ARMC9: variants seen among roughly 807,000 people sequenced by gnomAD.
ARMC9 encodes the protein armadillo repeat containing 9.
ARMC9 carries 94 observed loss-of-function variants against 107.0 expected under a neutral mutation model. The ratio of observed to expected loss-of-function variants is 0.88; its 90% CI spans 0.74 to 1.04. ARMC9 has a LOEUF of 1.04. Among genes scored for constraint, ARMC9 ranks in the 50% least tolerant of loss-of-function variants. The pLI is 0.00. For synonymous variants in ARMC9, 380 were observed against 396.9 expected (o/e 0.96, Z 0.51); for missense variants, 942 against 1,030.1 (o/e 0.91, Z 1.17).
At position 231,235,657 on chromosome 2, in the gene ARMC9, T is replaced by C. The variant is rs151255335; in HGVS notation, c.780+276T>C. On this transcript the variant is annotated intron_variant, in intron 8 of 24. Transcript: ENST00000611582. ...CTTTATTCTTTTTTGTTTGTTTGTT[T>C]TTGAGATGGAGTTTTGCTCTTGTTG... Among the ~76,000 whole-genome samples, 371 of 152,352 alleles carry C rather than the reference T, an allele frequency of 2.4e-3. 4 individuals carry two copies. Among genetic ancestry groups the C allele is most frequent in the African/African-American group, 8.4e-3 (349 of 41,576 alleles).
intron 21 of ARMC9, 24 bp downstream of exon 21, chr2:231,345,114 G>C (rs1559492146): frequency 6.2e-7 from 1 of 1,607,698 alleles, no homozygotes. Context: ...AAAGGAAGCG[G>C]GAATTGACTT....
At chr2:231,256,864 T>A (rs989078938) in intron 10 of ARMC9, among the ~76,000 whole-genome samples, 1 of 152,234 alleles carries the variant, frequency 6.6e-6, no homozygotes, top group East Asian at 1.9e-4. Context: ...TCGCTCTTGT[T>A]GCCCAGGCTG....
intron 21 of ARMC9, among the ~76,000 whole-genome samples, chr2:231,352,452 A>G (rs948263120): frequency 2.0e-5 from 3 of 151,922 alleles, no homozygotes; most frequent in Non-Finnish European, 4.4e-5. Flanking sequence ...GGCGCCTGCC[A>G]CCACGCCCAG....
intron 23 of ARMC9, among the ~76,000 whole-genome samples, chr2:231,369,598 C>A (rs1343382828): frequency 7.8e-6 from 1 of 128,244 alleles, no homozygotes; most frequent in Non-Finnish European, 1.7e-5. Context: ...CAGCCAGTTT[C>A]TTTTTTTTTT....
chr2:231,291,200 A>G (rs973710972), intron 17 of ARMC9, among the ~76,000 whole-genome samples, 153 bp from the exon 18 acceptor site: 10 of 152,144 alleles, frequency 6.6e-5, no homozygotes, highest in African/African-American at 1.9e-4. Context: ...TATCTCTTAA[A>G]CATATCTGTC....
At chr2:231,318,381 CA>C (rs1559454920) in intron 19 of ARMC9, among the ~76,000 whole-genome samples, 2 of 152,176 alleles carry the variant, frequency 1.3e-5, no homozygotes, top group Middle Eastern at 3.4e-3. Context: ...TTTGCAAGCA[CA>C]AAAAATTATC....
chr2:231,215,429 C>T, intron 4 of ARMC9: 1 of 157,064 alleles, frequency 6.4e-6, no homozygotes, highest in South Asian at 1.9e-4. Context: ...CTCAAACAGT[C>T]GTCTCACCTT....
At chr2:231,312,361 C>T (rs553764166) in intron 19 of ARMC9, among the ~76,000 whole-genome samples, 2 of 152,214 alleles carry the variant, frequency 1.3e-5, no homozygotes, top group Non-Finnish European at 2.9e-5. Context: ...TTCTCAGGGC[C>T]TCATTTCTGC....
At chr2:231,345,452 T>C (rs1347098216) in intron 21 of ARMC9, among the ~76,000 whole-genome samples, 2 of 152,194 alleles carry the variant, frequency 1.3e-5, no homozygotes, top group Non-Finnish European at 2.9e-5. Context: ...TGTGTTGGGA[T>C]TGGAATGTTA....
At chr2:231,365,014 T>G (rs1575193394) in intron 23 of ARMC9, among the ~76,000 whole-genome samples, 3 of 152,186 alleles carry the variant, frequency 2.0e-5, no homozygotes, top group Admixed American at 2.0e-4. Flanking sequence ...TGTTGGTAAG[T>G]GTCAGCTGAG....
rs1363668420 is a variant in ARMC9 at position 231,296,183 on chromosome 2, T to C, written c.1718-15T>C. ...CTGTTTATCCATTATTCATTGATTCTTTTTTTCTTTATAGAAGAGCTACCA... is the reference window on the plus strand; with the variant it reads ...CTGTTTATCCATTATTCATTGATTCCTTTTTTCTTTATAGAAGAGCTACCA... On this transcript the variant is annotated splice_polypyrimidine_tract_variant and intron_variant, in intron 18 of 24. Coordinates refer to ENST00000611582, the MANE Select transcript of ARMC9 (RefSeq NM_001352754.2). 6.2e-7 allele frequency: 1 copy of C among 1,602,876 alleles called. No individual in the cohort carries two copies. Among genetic ancestry groups the C allele is most frequent in the Non-Finnish European group, 8.5e-7 (1 of 1,171,962 alleles).
rs548507823 is a variant in ARMC9 at position 231,371,560 on chromosome 2, C to T, written c.*25C>T. ...AGGATGTCCCCGGGTGTCCCCATCA[C>T]GTTGCCGGAGGACCAGCCAGCTTCC... On this transcript the variant is annotated 3_prime_UTR_variant, in exon 25 of 25. Coordinates refer to ENST00000611582, the MANE Select transcript of ARMC9 (RefSeq NM_001352754.2). 6.5e-6 allele frequency: 8 copies of T among 1,233,118 alleles called. No homozygotes were observed. Among genetic ancestry groups the T allele is most frequent in the South Asian group, 4.1e-5 (1 of 24,512 alleles). The allele number at this position is 1,233,118 out of a possible 1,614,324, so 76.4% of individuals were successfully genotyped here.
Position 231,235,249 on chromosome 2 carries a change from G to A in ARMC9, c.648G>A (p.Gln216=). ...AAATCTTGCAGCAGCTCCACCAGCA[G>A]CTGGTTGAAGCTGAACGTAGGTCAG... ...NKEILQQLHQ[Q]LVEAERRSVT... The change falls in exon 8 of 25, where the codon CAG becomes CAA. Residue 216 remains glutamine, a synonymous_variant. Transcript: ENST00000611582. 6.2e-7 allele frequency: 1 copy of A among 1,612,706 alleles called. No homozygotes were observed. The highest frequency in any genetic ancestry group is 1.1e-5 in the South Asian group (1 of 90,504).
At chr2:231,214,581 C>G (rs1444305698) in intron 3 of ARMC9, among the ~76,000 whole-genome samples, 1 of 152,168 alleles carries the variant, frequency 6.6e-6, no homozygotes, top group East Asian at 1.9e-4. Flanking sequence ...CTGATTCTTT[C>G]CATTTCAAAG....
chr2:231,317,305 G>A (rs2125527065), intron 19 of ARMC9, among the ~76,000 whole-genome samples: 1 of 152,052 alleles, frequency 6.6e-6, no homozygotes, highest in South Asian at 2.1e-4. Flanking sequence ...TGAGTGGCTG[G>A]GATTACAGGC....
At chr2:231,311,625 C>G (rs2042354684) in intron 19 of ARMC9, among the ~76,000 whole-genome samples, 1 of 151,990 alleles carries the variant, frequency 6.6e-6, no homozygotes, top group Non-Finnish European at 1.5e-5. Context: ...CAAAAATTAG[C>G]CAGGTGTGGT....
chr2:231,306,799 A>T (rs748397774), intron 19 of ARMC9, among the ~76,000 whole-genome samples: 1 of 152,210 alleles, frequency 6.6e-6, no homozygotes, highest in Non-Finnish European at 1.5e-5. Flanking sequence ...AAGAAACAAC[A>T]TGGGACTTGT....
At chr2:231,318,503 T>C (rs1008178242) in intron 19 of ARMC9, among the ~76,000 whole-genome samples, 1 of 152,212 alleles carries the variant, frequency 6.6e-6, no homozygotes, top group Non-Finnish European at 1.5e-5. Context: ...TTAACCTCTG[T>C]AGCCCTCTTG....
intron 21 of ARMC9, among the ~76,000 whole-genome samples, chr2:231,346,330 G>A (rs1418130247): frequency 6.6e-6 from 1 of 151,834 alleles, no homozygotes; most frequent in Non-Finnish European, 1.5e-5. Context: ...GACCATCCTG[G>A]CTAACGTGGT....
Sources: allele counts gnomAD v4.1 joint callset (sites outside exome capture counted in the v4.1 genomes callset), GRCh38; gene constraint gnomAD v4.1.1; transcripts MANE v1.5; gene names NCBI Gene and HGNC (gene_info 2026-07-23, HGNC 2026-07-21).